The following TMEM127 variants were observed in gnomAD, a reference collection of about 807,000 sequenced individuals.
The protein encoded by TMEM127 is transmembrane protein 127.
Under a neutral mutation model 20.1 loss-of-function variants are expected in TMEM127, and 21 were observed. The observed-to-expected ratio is 1.04, with a 90% CI of 0.74 to 1.50. The LOEUF is 1.50. Among genes scored for constraint, TMEM127 ranks in the 40% most tolerant of loss-of-function variants. The pLI, the probability that TMEM127 is intolerant of heterozygous loss-of-function variation, is 0.00. For synonymous variants in TMEM127, 150 were observed against 144.7 expected (o/e 1.04, Z -0.26); for missense variants, 303 against 317.4 (o/e 0.95, Z 0.34).
At position 96,248,889 on chromosome 2, in the gene TMEM127, T is replaced by A. The variant is rs925631237; in HGVS notation, c.*4919A>T. 1 of 232,206 alleles carries A rather than the reference T, an allele frequency of 4.3e-6. No homozygotes were observed. Among genetic ancestry groups the A allele is most frequent in the African/African-American group, 2.2e-5 (1 of 45,222 alleles). 14.4% of individuals were successfully genotyped at this position (232,206 alleles called of 1,614,324 possible). A position where few individuals can be genotyped will look rare whatever the true frequency, so the allele number is the denominator to read the frequency against. ...AGACACAGGGTTGGCTGGAGGGGCCTCTCCCTCATCTTGTACATCTTATGA... is the reference window on the plus strand; with the variant it reads ...AGACACAGGGTTGGCTGGAGGGGCCACTCCCTCATCTTGTACATCTTATGA... On this transcript the variant is annotated 3_prime_UTR_variant, in exon 4 of 4. Coordinates refer to ENST00000258439, the MANE Select transcript of TMEM127 (RefSeq NM_017849.4).
At chr2:96,263,509 C>G (rs929575196) in intron 2 of TMEM127, among the ~76,000 whole-genome samples, 1 of 152,140 alleles carries the variant, frequency 6.6e-6, no homozygotes, top group African/African-American at 2.4e-5. Flanking sequence ...ATTACAGATG[C>G]CTGCCACCAC....
intron 2 of TMEM127, among the ~76,000 whole-genome samples, chr2:96,261,159 C>A (rs1448610231): frequency 6.6e-6 from 1 of 152,168 alleles, no homozygotes; most frequent in East Asian, 1.9e-4. Context: ...TGACTATCTG[C>A]GGCCCCTCTT....
In TMEM127 at chr2:96,254,120, G is replaced by A. The variant is rs1356874783; in HGVS notation, c.410-5C>T. The A allele has an allele frequency of 1.4e-5, 22 of 1,613,404 alleles. No homozygotes were observed. Among genetic ancestry groups the A allele is most frequent in the Non-Finnish European group, 1.7e-5 (20 of 1,180,034 alleles). On this transcript the variant is annotated splice_polypyrimidine_tract_variant and splice_region_variant and intron_variant, in intron 3 of 3. Coordinates refer to ENST00000258439, the MANE Select transcript of TMEM127 (RefSeq NM_017849.4). Reference sequence around the variant, plus strand: ...TGACGGTGGCACACTGCAGAACTAGGAGACAGAGGGACAGCACAGAAGGGG... The same window carrying A: ...TGACGGTGGCACACTGCAGAACTAGAAGACAGAGGGACAGCACAGAAGGGG...
At chr2:96,261,975 A>G (rs774686296) in intron 2 of TMEM127, among the ~76,000 whole-genome samples, 3 of 152,136 alleles carry the variant, frequency 2.0e-5, no homozygotes, top group Non-Finnish European at 4.4e-5. Context: ...AAGTATCTAC[A>G]TGTGGCCAGG....
intron 2 of TMEM127, among the ~76,000 whole-genome samples, chr2:96,256,151 G>A (rs1290788566): frequency 2.0e-5 from 3 of 151,528 alleles, no homozygotes; most frequent in East Asian, 1.9e-4. Context: ...TGCGCCTGTA[G>A]TCCCAGCTAC....
rs966376520 is a variant in TMEM127 at position 96,249,094 on chromosome 2, G to A, written c.*4714C>T. The A allele has an allele frequency of 2.4e-5, 5 of 211,184 alleles. No individual in the cohort carries two copies. Among genetic ancestry groups the A allele is most frequent in the Admixed American group, 5.9e-5 (1 of 16,990 alleles). The allele number at this position is 211,184 out of a possible 1,614,324, so 13.1% of individuals were successfully genotyped here. On this transcript the variant is annotated 3_prime_UTR_variant, in exon 4 of 4. Coordinates refer to ENST00000258439, the MANE Select transcript of TMEM127 (RefSeq NM_017849.4). ...AGGAACCTGTGTGTGTGTGTGTGGT[G>A]TGTGTGTGTGTGTGTGTGTGTGTTT...
Position 96,251,091 on chromosome 2 carries a change from G to C in TMEM127, c.*2717C>G, listed in dbSNP as rs886056432. On this transcript the variant is annotated 3_prime_UTR_variant, in exon 4 of 4. Coordinates refer to ENST00000258439, the MANE Select transcript of TMEM127 (RefSeq NM_017849.4). ...GGGTTTGAAGGTTGGGCCTTGGGCGGGAGTCAGCTACTATTTCTAGCTGTT... is the reference window on the plus strand; with the variant it reads ...GGGTTTGAAGGTTGGGCCTTGGGCGCGAGTCAGCTACTATTTCTAGCTGTT... 1 of 217,304 alleles carries C rather than the reference G, an allele frequency of 4.6e-6. No homozygotes were observed. Among genetic ancestry groups the C allele is most frequent in the Non-Finnish European group, 9.3e-6 (1 of 108,012 alleles). 13.5% of individuals were successfully genotyped at this position (217,304 alleles called of 1,614,324 possible).
In TMEM127 at chr2:96,254,094, A is replaced by G. The variant is rs1036821113; in HGVS notation, c.431T>C (p.Ile144Thr). The G allele has an allele frequency of 1.2e-6, 2 of 1,614,008 alleles. No homozygotes were observed. Among genetic ancestry groups the G allele is most frequent in the South Asian group, 1.1e-5 (1 of 91,090 alleles). The change falls in exon 4 of 4, where the codon ATT becomes ACT. Residue 144 changes from isoleucine (I) to threonine (T), a missense_variant. Coordinates refer to ENST00000258439, the MANE Select transcript of TMEM127 (RefSeq NM_017849.4). ...TTCAGAAGCCCAATAAGAAAAGCCA[A>G]TGACGGTGGCACACTGCAGAACTAG... Reference protein sequence around the residue: ...ILTVLQCATVIGFSYWASELI... With the variant: ...ILTVLQCATVTGFSYWASELI...
rs549124254 is a variant in TMEM127 at position 96,257,102 on chromosome 2, G to A, written c.245-2105C>T. 3.3e-5 allele frequency among the ~76,000 whole-genome samples: 5 copies of A among 152,320 alleles called. No homozygotes were observed. The South Asian group carries it at 1.0e-3, about 32-fold the overall frequency. Reference sequence around the variant, plus strand: ...AGGGAGAGCCCATGACAACAACCACGCAGCAGACACACAGCAACTTGTATT... The same window carrying A: ...AGGGAGAGCCCATGACAACAACCACACAGCAGACACACAGCAACTTGTATT... On this transcript the variant is annotated intron_variant, in intron 2 of 3. Coordinates refer to ENST00000258439, the MANE Select transcript of TMEM127 (RefSeq NM_017849.4).
At chr2:96,258,975 G>GA in intron 2 of TMEM127, among the ~76,000 whole-genome samples, 1 of 152,304 alleles carries the variant, frequency 6.6e-6, no homozygotes. Flanking sequence ...TCTTTGGCTG[G>GA]ATGGTGAGCA....
chr2:96,253,468 C>T lies in TMEM127; in HGVS notation c.*340G>A, dbSNP rs1032246352. 6 of 361,112 alleles carry T rather than the reference C, an allele frequency of 1.7e-5. No homozygotes were observed. The highest frequency in any genetic ancestry group is 1.4e-4 in the South Asian group (3 of 21,392). The allele number at this position is 361,112 out of a possible 1,614,324, so 22.4% of individuals were successfully genotyped here. A position where few individuals can be genotyped will look rare whatever the true frequency, so the allele number is the denominator to read the frequency against. ...TTTGACACTTGTTTTTGGGACTGTC[C>T]GCTCTCAGCAGCTCTCCAAGGAAAG... On this transcript the variant is annotated 3_prime_UTR_variant, in exon 4 of 4. Coordinates refer to ENST00000258439, the MANE Select transcript of TMEM127 (RefSeq NM_017849.4). This position sits in a 1 kb window ranked among gnomAD's most constrained non-coding sequence, Gnocchi z 4.3.
intron 2 of TMEM127, among the ~76,000 whole-genome samples, chr2:96,255,962 G>T (rs998452621): frequency 2.0e-5 from 3 of 151,716 alleles, no homozygotes; most frequent in African/African-American, 7.3e-5. Context: ...GACCGAGAGA[G>T]ACCCTGTCTC....
In TMEM127 at chr2:96,250,915, T is replaced by G. The variant is rs529712490; in HGVS notation, c.*2893A>C. The G allele has an allele frequency of 1.6e-4, 37 of 229,122 alleles. No homozygotes were observed. The highest frequency in any genetic ancestry group is 2.9e-4 in the Non-Finnish European group (34 of 115,582). The allele number at this position is 229,122 out of a possible 1,614,324, so 14.2% of individuals were successfully genotyped here. ...AAAGACAGAAAAACACACAAATTATTAAATAAAATTTAAACAATAGAGGGA... is the reference window on the plus strand; with the variant it reads ...AAAGACAGAAAAACACACAAATTATGAAATAAAATTTAAACAATAGAGGGA... On this transcript the variant is annotated 3_prime_UTR_variant, in exon 4 of 4. Coordinates refer to ENST00000258439, the MANE Select transcript of TMEM127 (RefSeq NM_017849.4).
intron 2 of TMEM127, among the ~76,000 whole-genome samples, 182 bp downstream of exon 2, chr2:96,264,956 G>A (rs1684382892): frequency 6.6e-6 from 1 of 152,172 alleles, no homozygotes; most frequent in African/African-American, 2.4e-5. Flanking sequence ...GTGCTTAGCT[G>A]AATAACATCA....
chr2:96,258,945 T>G lies in TMEM127; in HGVS notation c.245-3948A>C, dbSNP rs1016863512. On this transcript the variant is annotated intron_variant, in intron 2 of 3. Transcript: ENST00000258439. ...AGTAAGAAAAGTAATATGTGCAGGC[T>G]TCAAGGAGCCTGTATTGTTTCTTTG... 1.3e-3 allele frequency among the ~76,000 whole-genome samples: 201 copies of G among 152,200 alleles called. 1 individual carries two copies. The highest frequency in any genetic ancestry group is 4.7e-3 in the African/African-American group (196 of 41,446).
chr2:96,260,166 C>T (rs1351111587), intron 2 of TMEM127, among the ~76,000 whole-genome samples: 3 of 152,230 alleles, frequency 2.0e-5, no homozygotes, highest in South Asian at 2.1e-4. Context: ...CAGGGGCCTG[C>T]CCCATGTAAC....
Position 96,265,210 on chromosome 2 carries a change from C to T in TMEM127, c.172G>A (p.Gly58Arg), listed in dbSNP as rs764136807. The change falls in exon 2 of 4, where the codon GGA becomes AGA. Residue 58 changes from glycine to arginine, a missense_variant. By Grantham distance (125) the Gly-to-Arg change is moderately radical. Transcript: ENST00000258439. Reference sequence around the variant, plus strand: ...AGCTCCTGGCGCGAACAGGTGCCTCCGTGGATGTGCAACCAGGCGGGCTCG... The same window carrying T: ...AGCTCCTGGCGCGAACAGGTGCCTCTGTGGATGTGCAACCAGGCGGGCTCG... ...LAEPAWLHIH[G>R]GTCSRQELGV... 11 of 1,606,926 alleles carry T rather than the reference C, an allele frequency of 6.8e-6. No homozygotes were observed. Among genetic ancestry groups the T allele is most frequent in the Non-Finnish European group, 9.3e-6 (11 of 1,178,416 alleles).
At chr2:96,260,159 G>A (rs748634838) in intron 2 of TMEM127, among the ~76,000 whole-genome samples, 6 of 152,346 alleles carry the variant, frequency 3.9e-5, no homozygotes, top group Non-Finnish European at 7.3e-5. Flanking sequence ...GATACCCCAG[G>A]GGCCTGCCCC....
rs1684079812 is a variant in TMEM127, at chr2:96,251,186, C to T, written c.*2622G>A. Reference sequence around the variant, plus strand: ...GCTCTGGGGGTGAAAATGCCATGCACGGAGCTGGCCCATGCCAAGTCCCTT... The same window carrying T: ...GCTCTGGGGGTGAAAATGCCATGCATGGAGCTGGCCCATGCCAAGTCCCTT... On this transcript the variant is annotated 3_prime_UTR_variant, in exon 4 of 4. Coordinates refer to ENST00000258439, the MANE Select transcript of TMEM127 (RefSeq NM_017849.4). 4.6e-6 allele frequency: 1 copy of T among 216,428 alleles called. No individual in the cohort carries two copies. The highest frequency in any genetic ancestry group is 9.3e-6 in the Non-Finnish European group (1 of 107,340). The allele number at this position is 216,428 out of a possible 1,614,324, so 13.4% of individuals were successfully genotyped here.
Sources: gnomAD v4.1 joint callset for allele counts (sites outside exome capture counted in the v4.1 genomes callset) on GRCh38, gnomAD v4.1.1 for gene constraint, Gnocchi (gnomAD v3.1) non-coding constraint, MANE v1.5 for transcripts, NCBI Gene and HGNC (gene_info 2026-07-23, HGNC 2026-07-21) for gene names.